FER: variants seen among roughly 807,000 people sequenced by gnomAD.
FER encodes the protein FER tyrosine kinase, also known as tyrosine-protein kinase Fer.
Under a neutral mutation model 111.0 loss-of-function variants are expected in FER, and 63 were observed. The ratio of observed to expected loss-of-function variants is 0.57; its 90% CI spans 0.46 to 0.70. The LOEUF (loss-of-function observed/expected upper bound fraction) is 0.70. FER is among the 30% of genes least tolerant of loss of function. FER has a pLI of 0.00. For missense variants in FER, 914 were observed against 954.0 expected (o/e 0.96, Z 0.55); for synonymous variants, 327 against 313.9 (o/e 1.04, Z -0.44).
At chr5:109,035,028 T>A (rs1770171025) in intron 13 of FER, among the ~76,000 whole-genome samples, 1 of 150,026 alleles carries the variant, frequency 6.7e-6, no homozygotes, top group African/African-American at 2.5e-5. Flanking sequence ...CACCAAGAAA[T>A]TGAACTTTTT....
At chr5:108,865,552 A>G (rs1253650980) in intron 5 of FER, among the ~76,000 whole-genome samples, 1 of 152,224 alleles carries the variant, frequency 6.6e-6, no homozygotes, top group Non-Finnish European at 1.5e-5. Flanking sequence ...AAACACCAAA[A>G]GCAATGGCAA....
intron 13 of FER, among the ~76,000 whole-genome samples, chr5:109,013,226 C>A (rs1459526202): frequency 9.8e-6 from 1 of 101,566 alleles, no homozygotes; most frequent in Non-Finnish European, 1.9e-5. Flanking sequence ...CTATCCCTCC[C>A]CCCTCCCCCC....
chr5:108,791,947 C>G (rs1182251900), intron 2 of FER, among the ~76,000 whole-genome samples: 1 of 152,158 alleles, frequency 6.6e-6, no homozygotes, highest in African/African-American at 2.4e-5. Context: ...CTTTTCTTTT[C>G]CAATGGAATG....
intron 10 of FER, among the ~76,000 whole-genome samples, chr5:108,938,118 G>C (rs994049405): frequency 6.6e-6 from 1 of 150,578 alleles, no homozygotes; most frequent in Non-Finnish European, 1.5e-5. Context: ...AGAAGGGATG[G>C]TTGACAGTAC....
intron 10 of FER, among the ~76,000 whole-genome samples, chr5:108,928,648 A>G (rs940672893): frequency 6.6e-6 from 1 of 152,086 alleles, no homozygotes; most frequent in Middle Eastern, 3.2e-3. Context: ...CAAAAGGTTT[A>G]TTCTAGCTAT....
chr5:109,159,313 C>A (rs1288918251), intron 17 of FER, among the ~76,000 whole-genome samples: 1 of 152,142 alleles, frequency 6.6e-6, no homozygotes, highest in Non-Finnish European at 1.5e-5. Context: ...CTGCCATTCA[C>A]CAATCAGAAA....
At chr5:109,119,936 A>T (rs186110413) in intron 17 of FER, among the ~76,000 whole-genome samples, 3 of 151,870 alleles carry the variant, frequency 2.0e-5, no homozygotes, top group African/African-American at 7.3e-5. Context: ...AGAAATGCCT[A>T]TTTAGATCTT....
intron 16 of FER, among the ~76,000 whole-genome samples, chr5:109,053,823 T>C (rs1037886407): frequency 1.3e-5 from 2 of 151,614 alleles, no homozygotes; most frequent in African/African-American, 2.4e-5. Flanking sequence ...CCCGAGTAGC[T>C]GGGACTACAG....
chr5:109,187,365 T>C (rs1758997123), intron 19 of FER, 68 bp from the exon 20 acceptor site: 2 of 1,514,926 alleles, frequency 1.3e-6, no homozygotes, highest in Non-Finnish European at 9.0e-7. Flanking sequence ...AACTGCATAA[T>C]GCCCTGTGTG....
At chr5:109,076,160 TTATA>T (rs1561864013) in intron 16 of FER, among the ~76,000 whole-genome samples, 13 of 152,140 alleles carry the variant, frequency 8.5e-5, no homozygotes, top group Admixed American at 2.0e-4. Context: ...ATCAAAAAAA[TTATA>T]TATAAGGAGA....
At chr5:108,964,633 T>A (rs1269855122) in intron 13 of FER, among the ~76,000 whole-genome samples, 1 of 152,164 alleles carries the variant, frequency 6.6e-6, no homozygotes, top group Non-Finnish European at 1.5e-5. Context: ...TTAATACATA[T>A]CATCTTAAAA....
rs547061270 is a variant in FER, at chr5:109,051,289, T to G, written c.1924+4091T>G. Reference sequence around the variant, plus strand: ...TTTTCTTCTCCACAAGTGAGAGGAATCTTGATACTTTCAAGCCTGTATCTA... The same window carrying G: ...TTTTCTTCTCCACAAGTGAGAGGAAGCTTGATACTTTCAAGCCTGTATCTA... On this transcript the variant is annotated intron_variant, in intron 16 of 19. Coordinates refer to ENST00000281092, the MANE Select transcript of FER (RefSeq NM_005246.4). The G allele has an allele frequency of 3.6e-4, 522 of 1,431,276 alleles. 2 individuals are homozygous for G. The African/African-American group carries it at 6.1e-3, about 17-fold the overall frequency. 88.7% of individuals were successfully genotyped at this position (1,431,276 alleles called of 1,614,324 possible). A position where few individuals can be genotyped will look rare whatever the true frequency, so the allele number is the denominator to read the frequency against.
At chr5:109,027,259 T>A (rs1768886874) in intron 13 of FER, among the ~76,000 whole-genome samples, 1 of 152,160 alleles carries the variant, frequency 6.6e-6, no homozygotes, top group African/African-American at 2.4e-5. Context: ...ATACATTGGC[T>A]CTTGCTGAGG....
chr5:109,148,432 A>T (rs1046239842), intron 17 of FER, among the ~76,000 whole-genome samples: 1 of 152,166 alleles, frequency 6.6e-6, no homozygotes, highest in Non-Finnish European at 1.5e-5. Flanking sequence ...AAAGATTGAA[A>T]AGACAGTAAA....
intron 12 of FER, 109 bp downstream of exon 12, chr5:108,955,041 A>G: frequency 1.1e-6 from 1 of 910,166 alleles, no homozygotes; most frequent in Non-Finnish European, 1.6e-6. Context: ...CTTGAAATTT[A>G]GCACTTAATT....
At chr5:109,067,340 C>T (rs1311391883) in intron 16 of FER, among the ~76,000 whole-genome samples, 2 of 151,942 alleles carry the variant, frequency 1.3e-5, no homozygotes, top group Non-Finnish European at 2.9e-5. Context: ...CTGTCCATGA[C>T]CCCTATTCTC....
chr5:108,940,037 A>T (rs1756044696), intron 10 of FER, among the ~76,000 whole-genome samples: 1 of 152,080 alleles, frequency 6.6e-6, no homozygotes, highest in African/African-American at 2.4e-5. Flanking sequence ...CATAAAACTT[A>T]TCCTCTCTAT....
chr5:108,816,902 G>T (rs1312676223), intron 3 of FER, among the ~76,000 whole-genome samples: 2 of 151,890 alleles, frequency 1.3e-5, no homozygotes, highest in African/African-American at 4.8e-5. Flanking sequence ...AGGAGTTCAA[G>T]ATCAGCCTGG....
chr5:108,996,244 G>C (rs1378983455), intron 13 of FER, among the ~76,000 whole-genome samples: 1 of 152,150 alleles, frequency 6.6e-6, no homozygotes, highest in Non-Finnish European at 1.5e-5. Context: ...TTCTTTTGCT[G>C]TGTGGAAGCT....
Sources: allele counts gnomAD v4.1 joint callset (sites outside exome capture counted in the v4.1 genomes callset), GRCh38; gene constraint gnomAD v4.1.1; transcripts MANE v1.5; gene names NCBI Gene and HGNC (gene_info 2026-07-23, HGNC 2026-07-21).